NCKAP5: variants seen among roughly 807,000 people sequenced by gnomAD.
The protein encoded by NCKAP5 is nck-associated protein 5.
In NCKAP5, 92 loss-of-function variants were observed where a neutral mutation model predicts 167.0. The ratio of observed to expected loss-of-function variants is 0.55; its 90% CI spans 0.47 to 0.66. The LOEUF is 0.66. Among genes scored for constraint, NCKAP5 ranks in the 30% least tolerant of loss-of-function variants. The pLI is 0.00. For missense variants in NCKAP5, 2,378 were observed against 2,315.0 expected, an observed-to-expected ratio of 1.03 and a Z score of -0.56; for synonymous variants, 891 against 877.4, an observed-to-expected ratio of 1.02 and a Z score of -0.27.
chr2:133,447,779 C>A (rs1173802178), intron 3 of NCKAP5, among the ~76,000 whole-genome samples: 1 of 152,106 alleles, frequency 6.6e-6, no homozygotes, highest in Non-Finnish European at 1.5e-5. Context: ...AGCCACTGTG[C>A]CCAGCCTCTT....
chr2:132,885,485 G>A (rs1692142961), intron 8 of NCKAP5, among the ~76,000 whole-genome samples: 1 of 152,168 alleles, frequency 6.6e-6, no homozygotes, highest in Non-Finnish European at 1.5e-5. Flanking sequence ...AAAAACTTTT[G>A]CTAGACTTAG....
At chr2:133,244,539 C>T (rs1167549960) in intron 4 of NCKAP5, among the ~76,000 whole-genome samples, 1 of 152,064 alleles carries the variant, frequency 6.6e-6, no homozygotes, top group Non-Finnish European at 1.5e-5. Context: ...AATTAAAGGA[C>T]TTAACCACAC....
At chr2:133,562,484 C>T (rs1688231190) in intron 1 of NCKAP5, among the ~76,000 whole-genome samples, 1 of 152,182 alleles carries the variant, frequency 6.6e-6, no homozygotes, top group South Asian at 2.1e-4. Context: ...TTCAATTTGC[C>T]AAATGAAGCA....
intron 11 of NCKAP5, among the ~76,000 whole-genome samples, chr2:132,826,982 T>C (rs1490344016): frequency 1.3e-5 from 2 of 152,082 alleles, no homozygotes; most frequent in Admixed American, 1.3e-4. Context: ...AGAGGCAAAC[T>C]GACACTCTAG....
intron 3 of NCKAP5, among the ~76,000 whole-genome samples, chr2:133,359,718 C>G (rs775748125): frequency 2.8e-4 from 42 of 152,120 alleles, no homozygotes; most frequent in Non-Finnish European, 5.3e-4. Flanking sequence ...TGCCTGAATC[C>G]TTTTAGAAGA....
chr2:132,968,661 T>C (rs1319639597), intron 7 of NCKAP5, among the ~76,000 whole-genome samples: 1 of 152,154 alleles, frequency 6.6e-6, no homozygotes, highest in Non-Finnish European at 1.5e-5. Flanking sequence ...CATTTTGTAA[T>C]AAGAAGGTTG....
chr2:132,929,134 T>C (rs1441101353), intron 8 of NCKAP5, among the ~76,000 whole-genome samples: 6 of 152,192 alleles, frequency 3.9e-5, no homozygotes, highest in African/African-American at 1.4e-4. Context: ...GGCAGAACTC[T>C]GCAGACCAGA....
intron 4 of NCKAP5, among the ~76,000 whole-genome samples, chr2:133,234,991 C>T (rs970497063): frequency 6.7e-6 from 1 of 148,204 alleles, no homozygotes; most frequent in Non-Finnish European, 1.5e-5. Context: ...TAAGTCTCGA[C>T]TGAGGGACCC....
rs1695309040 is a variant in NCKAP5, at chr2:132,920,751, ATATATG to A, written c.580-41841_580-41836del. Among the ~76,000 whole-genome samples the A allele has an allele frequency of 2.7e-5, 2 of 74,490 alleles. 1 individual carries two copies. Among genetic ancestry groups the A allele is most frequent in the Non-Finnish European group, 4.2e-5 (2 of 47,374 alleles). 48.9% of individuals were successfully genotyped at this position (74,490 alleles called of 152,430 possible). A position where few individuals can be genotyped will look rare whatever the true frequency, so the allele number is the denominator to read the frequency against. On this transcript the variant is annotated intron_variant, in intron 8 of 19. Coordinates refer to ENST00000409261, the MANE Select transcript of NCKAP5 (RefSeq NM_207363.3). The stretch of plus-strand genomic sequence containing the variant: ...TATATATGTATATATATGTGTATAT[ATATATG>A]TATATATATGTATGTATATATATAT...
chr2:133,439,154 C>T (rs555295207), intron 3 of NCKAP5, among the ~76,000 whole-genome samples: 1 of 152,290 alleles, frequency 6.6e-6, no homozygotes, highest in East Asian at 1.9e-4. Context: ...TAATCCTGAT[C>T]TCGGGATATT....
intron 4 of NCKAP5, among the ~76,000 whole-genome samples, chr2:133,238,565 G>A (rs969803456): frequency 6.6e-6 from 1 of 152,166 alleles, no homozygotes; most frequent in African/African-American, 2.4e-5. Context: ...GTACCATCCA[G>A]TACTTACTTA....
rs1684618113 is a variant in NCKAP5, at chr2:132,796,497, A to G, written c.909+131T>C. On this transcript the variant is annotated intron_variant, in intron 12 of 19. Transcript: ENST00000409261. ...ATGATATTGAATTTCAGAGAACACA[A>G]GAAAGGAAGGTATTTTTATCTGCCT... The G allele has an allele frequency of 2.0e-5, 11 of 563,926 alleles. No individual in the cohort carries two copies. In the East Asian group the frequency reaches 2.8e-4, roughly 14 times the overall value. 34.9% of individuals were successfully genotyped at this position (563,926 alleles called of 1,614,324 possible). A position where few individuals can be genotyped will look rare whatever the true frequency, so the allele number is the denominator to read the frequency against.
chr2:133,062,881 TG>T (rs1444806667), intron 6 of NCKAP5, among the ~76,000 whole-genome samples: 1 of 152,170 alleles, frequency 6.6e-6, no homozygotes, highest in African/African-American at 2.4e-5. Context: ...ACCCATAAAT[TG>T]ATTTCATGGG....
intron 3 of NCKAP5, among the ~76,000 whole-genome samples, chr2:133,456,825 C>T (rs574747926): frequency 6.6e-6 from 1 of 152,140 alleles, no homozygotes; most frequent in African/African-American, 2.4e-5. Flanking sequence ...GGAAAGTAAA[C>T]TTTACCAGTC....
chr2:132,917,001 G>T (rs1200713752), intron 8 of NCKAP5, among the ~76,000 whole-genome samples: 1 of 152,170 alleles, frequency 6.6e-6, no homozygotes, highest in African/African-American at 2.4e-5. Context: ...GACAACTAAT[G>T]TTTATGGAAT....
intron 8 of NCKAP5, among the ~76,000 whole-genome samples, chr2:132,882,754 A>G (rs1691867240): frequency 6.6e-6 from 1 of 152,216 alleles, no homozygotes; most frequent in African/African-American, 2.4e-5. Flanking sequence ...ATTAACAAGA[A>G]TCCAAAAGTT....
intron 7 of NCKAP5, among the ~76,000 whole-genome samples, chr2:132,970,510 A>G (rs752468486): frequency 3.3e-5 from 5 of 152,120 alleles, no homozygotes; most frequent in Non-Finnish European, 1.5e-5. Context: ...AACAACTTTC[A>G]CTCCCCACAT....
chr2:133,484,916 C>T (rs1575041789), intron 3 of NCKAP5, among the ~76,000 whole-genome samples: 1 of 152,288 alleles, frequency 6.6e-6, no homozygotes, highest in South Asian at 2.1e-4. Context: ...GTCAAGAAAT[C>T]TAGATGGTAG....
intron 3 of NCKAP5, among the ~76,000 whole-genome samples, chr2:133,376,382 C>T (rs1389448422): frequency 6.6e-6 from 1 of 152,204 alleles, no homozygotes; most frequent in Admixed American, 6.5e-5. Flanking sequence ...ATCTGGGAAT[C>T]ATCCTCGACT....
Sources: allele counts gnomAD v4.1 joint callset (sites outside exome capture counted in the v4.1 genomes callset), GRCh38; gene constraint gnomAD v4.1.1; transcripts MANE v1.5; gene names NCBI Gene and HGNC (gene_info 2026-07-23, HGNC 2026-07-21).